ATF1: variants seen among roughly 807,000 people sequenced by gnomAD.
The protein encoded by ATF1 is activating transcription factor 1.
ATF1 carries 16 observed loss-of-function variants against 34.7 expected under a neutral mutation model. The ratio of observed to expected loss-of-function variants is 0.46; its 90% CI spans 0.31 to 0.70. The LOEUF (loss-of-function observed/expected upper bound fraction) is 0.70, where lower values mean the gene tolerates loss of function less well. ATF1 is among the 30% of genes least tolerant of loss of function. The probability of loss-of-function intolerance (pLI) is 0.05; values close to 1 mark genes in which losing one functional copy is unlikely to be tolerated. For missense variants in ATF1, 255 were observed against 321.6 expected, an observed-to-expected ratio of 0.79 and a Z score of 1.58; for synonymous variants, 105 against 113.1, an observed-to-expected ratio of 0.93 and a Z score of 0.46.
intron 1 of ATF1, among the ~76,000 whole-genome samples, chr12:50,769,801 A>T (rs1315081280): frequency 1.3e-5 from 2 of 152,212 alleles, no homozygotes; most frequent in East Asian, 3.8e-4. Flanking sequence ...TGTTTAGAAG[A>T]TGATTTATAA....
intron 4 of ATF1, among the ~76,000 whole-genome samples, chr12:50,812,763 A>T (rs751796960): frequency 6.6e-6 from 1 of 152,070 alleles, no homozygotes; most frequent in Non-Finnish European, 1.5e-5. Context: ...GGTAGAGTGC[A>T]GTGGTGAACC....
chr12:50,804,268 A>C (rs1941571301), intron 3 of ATF1, among the ~76,000 whole-genome samples: 1 of 152,242 alleles, frequency 6.6e-6, no homozygotes, highest in Non-Finnish European at 1.5e-5. Context: ...GTCATATAAG[A>C]TAGACTTCAG....
intron 4 of ATF1, among the ~76,000 whole-genome samples, chr12:50,810,228 T>TC (rs1054065649): frequency 2.0e-5 from 3 of 151,376 alleles, no homozygotes; most frequent in African/African-American, 7.3e-5. Context: ...GCTTTTTTTT[T>TC]TTTTTTTGAG....
intron 2 of ATF1, among the ~76,000 whole-genome samples, chr12:50,794,240 G>A (rs886548322): frequency 7.0e-5 from 10 of 143,734 alleles, no homozygotes; most frequent in African/African-American, 2.0e-4. Flanking sequence ...GTGAGCCACC[G>A]CGCCTGGCCT....
chr12:50,807,802 G>GTTTTTTTTTTTTTTTTTTTTTTTTTTTT (rs60898769), intron 3 of ATF1, among the ~76,000 whole-genome samples: 1 of 141,880 alleles, frequency 7.0e-6, no homozygotes, highest in Admixed American at 7.2e-5. Flanking sequence ...TTGTGTGTGT[G>GTTTTTTTTTTTTTTTTTTTTTTTTTTTT]TTTTTTTTTT....
At chr12:50,798,372 A>G (rs192208738) in intron 3 of ATF1, among the ~76,000 whole-genome samples, 33 of 151,188 alleles carry the variant, frequency 2.2e-4, no homozygotes, top group Non-Finnish European at 4.6e-4. Flanking sequence ...GCAGTGGAGT[A>G]ATCTCGGCTC....
intron 2 of ATF1, among the ~76,000 whole-genome samples, chr12:50,780,814 G>A (rs1193353372): frequency 1.3e-5 from 2 of 152,070 alleles, no homozygotes; most frequent in Non-Finnish European, 2.9e-5. Context: ...TCAAAAATTA[G>A]CCAGGTGCAG....
intron 2 of ATF1, among the ~76,000 whole-genome samples, chr12:50,784,438 A>G (rs1354060930): frequency 2.0e-5 from 3 of 152,198 alleles, no homozygotes; most frequent in African/African-American, 7.2e-5. Flanking sequence ...GTTCAATTAT[A>G]TGGACCAACA....
chr12:50,800,669 A>T (rs1941494232), intron 3 of ATF1, among the ~76,000 whole-genome samples: 1 of 152,152 alleles, frequency 6.6e-6, no homozygotes, highest in Non-Finnish European at 1.5e-5. Flanking sequence ...CATGCTCTTC[A>T]TGAGAATCTA....
At chr12:50,812,722 G>A (rs1941761960) in intron 4 of ATF1, among the ~76,000 whole-genome samples, 1 of 152,050 alleles carries the variant, frequency 6.6e-6, no homozygotes, top group Non-Finnish European at 1.5e-5. Context: ...TACTTGGGAG[G>A]CTGAGGTAGG....
intron 1 of ATF1, among the ~76,000 whole-genome samples, chr12:50,765,197 G>GC (rs1400580974): frequency 6.6e-6 from 1 of 152,160 alleles, no homozygotes; most frequent in Non-Finnish European, 1.5e-5. Flanking sequence ...TGTCAAACTG[G>GC]CCTCACCTGT....
At chr12:50,780,342 T>G in intron 2 of ATF1, 104 bp downstream of exon 2, 4 of 1,108,730 alleles carry the variant, frequency 3.6e-6, no homozygotes, top group Middle Eastern at 2.2e-4. Flanking sequence ...TTGGTTTTTG[T>G]TTTTTGGGTT....
At chr12:50,819,499 A>G in intron 6 of ATF1, 136 bp from the exon 7 acceptor site, 1 of 984,764 alleles carries the variant, frequency 1.0e-6, no homozygotes, top group Non-Finnish European at 1.5e-6. Context: ...TCTACACTTA[A>G]GATCTATGTA....
intron 2 of ATF1, among the ~76,000 whole-genome samples, chr12:50,790,935 A>C (rs535371806): frequency 1.4e-3 from 207 of 152,082 alleles, no homozygotes; most frequent in African/African-American, 4.7e-3. Flanking sequence ...AAATGCTGTA[A>C]GAAAAGTGAG....
chr12:50,785,372 G>T (rs1023143639), intron 2 of ATF1, among the ~76,000 whole-genome samples: 4 of 148,882 alleles, frequency 2.7e-5, no homozygotes, highest in Admixed American at 2.0e-4. Context: ...TTATTGAGAT[G>T]GACAATGCTG....
At chr12:50,815,100 C>G (rs1307694347) in intron 6 of ATF1, among the ~76,000 whole-genome samples, 1 of 151,770 alleles carries the variant, frequency 6.6e-6, no homozygotes, top group African/African-American at 2.4e-5. Context: ...CCAGCCTGGG[C>G]AACAGAGTGA....
intron 5 of ATF1, 32 bp from the exon 6 acceptor site, chr12:50,814,248 A>G: frequency 6.2e-7 from 1 of 1,613,400 alleles, no homozygotes; most frequent in Admixed American, 1.7e-5. Flanking sequence ...GACACTTACT[A>G]ACTAACTCAT....
At chr12:50,781,681 C>T (rs953133089) in intron 2 of ATF1, among the ~76,000 whole-genome samples, 8 of 151,964 alleles carry the variant, frequency 5.3e-5, no homozygotes, top group African/African-American at 1.7e-4. Flanking sequence ...AAACTCCTGA[C>T]CTCAGGTGAT....
At chr12:50,814,513 G>A in intron 6 of ATF1, 74 bp downstream of exon 6, 1 of 1,454,176 alleles carries the variant, frequency 6.9e-7, no homozygotes, top group South Asian at 1.2e-5. Context: ...ATGTTAACTG[G>A]AACTGTATAC....
Sources: allele counts gnomAD v4.1 joint callset (sites outside exome capture counted in the v4.1 genomes callset), GRCh38; gene constraint gnomAD v4.1.1; transcripts MANE v1.5; gene names NCBI Gene and HGNC (gene_info 2026-07-23, HGNC 2026-07-21).